The following ABI3BP variants were observed in gnomAD, a reference collection of about 807,000 sequenced individuals.
ABI3BP encodes the protein target of Nesh-SH3.
ABI3BP carries 216 observed loss-of-function variants against 268.6 expected under a neutral mutation model. The observed-to-expected ratio is 0.80, with a 90% CI of 0.72 to 0.90. The LOEUF is 0.90. Ranked by LOEUF, ABI3BP falls within the 40% of genes least tolerant of loss-of-function variation. The pLI is 0.00. For missense variants in ABI3BP, 2,090 were observed against 2,182.4 expected, an observed-to-expected ratio of 0.96 and a Z score of 0.84; for synonymous variants, 730 against 730.0, an observed-to-expected ratio of 1.00 and a Z score of 0.00.
At chr3:100,756,970 C>T (rs948891146) in intron 63 of ABI3BP, among the ~76,000 whole-genome samples, 15 of 143,624 alleles carry the variant, frequency 1.0e-4, no homozygotes, top group African/African-American at 3.2e-4. Flanking sequence ...AGATGAATGA[C>T]ATCATAGGTC....
chr3:100,853,428 C>T (rs532624793), intron 14 of ABI3BP, among the ~76,000 whole-genome samples: 2 of 152,326 alleles, frequency 1.3e-5, no homozygotes, highest in Non-Finnish European at 2.9e-5. Context: ...ATGGATCTGG[C>T]ATGGTCAGCT....
intron 49 of ABI3BP, 113 bp downstream of exon 49, chr3:100,810,299 A>C: frequency 1.2e-6 from 1 of 862,124 alleles, no homozygotes; most frequent in Non-Finnish European, 1.8e-6. Flanking sequence ...AGGATTACCC[A>C]TCAAAGTCTG....
intron 14 of ABI3BP, among the ~76,000 whole-genome samples, chr3:100,857,440 T>C (rs1017821385): frequency 6.6e-6 from 1 of 152,248 alleles, no homozygotes; most frequent in Non-Finnish European, 1.5e-5. Flanking sequence ...ACAAGTTATT[T>C]AACTGGTAGT....
rs972890995 is a variant in ABI3BP, at chr3:100,828,385, G to C, written c.2602+8C>G. On this transcript the variant is annotated splice_region_variant and intron_variant, in intron 34 of 67. Transcript: ENST00000471714. ...AAGCACTTGCTGAAGATCAAAAAGTGGCATTACCGAATGTTGTCCCTGGAG... is the reference window on the plus strand; with the variant it reads ...AAGCACTTGCTGAAGATCAAAAAGTCGCATTACCGAATGTTGTCCCTGGAG... 1.3e-6 allele frequency: 2 copies of C among 1,531,996 alleles called. No homozygotes were observed. Among genetic ancestry groups the C allele is most frequent in the African/African-American group, 2.7e-5 (2 of 72,922 alleles). 94.9% of individuals were successfully genotyped at this position (1,531,996 alleles called of 1,614,324 possible). A position where few individuals can be genotyped will look rare whatever the true frequency, so the allele number is the denominator to read the frequency against.
In ABI3BP at chr3:100,876,538, A is replaced by G; in HGVS notation, c.719T>C (p.Leu240Pro). ...HTVPAYVPRK[L>P]IPITIIKQVI... is the part of the protein sequence containing the mutation. ...TTGCTTGATGATTGTTATTGGGATTAGTTTCCTTGGGACATATGCTGGCTG... is the reference window on the plus strand; with the variant it reads ...TTGCTTGATGATTGTTATTGGGATTGGTTTCCTTGGGACATATGCTGGCTG... The change falls in exon 7 of 68, where the codon CTA (leucine) becomes CCA (proline). Residue 240 changes from leucine (L) to proline (P), a missense_variant. Leu to Pro is a moderately conservative substitution (Grantham distance 98). Transcript: ENST00000471714. 3 of 1,613,566 alleles carry G rather than the reference A, an allele frequency of 1.9e-6. No individual in the cohort carries two copies. Among genetic ancestry groups the G allele is most frequent in the Non-Finnish European group, 2.5e-6 (3 of 1,179,640 alleles).
chr3:100,858,752 T>G (rs1460468684), intron 14 of ABI3BP, among the ~76,000 whole-genome samples: 1 of 152,092 alleles, frequency 6.6e-6, no homozygotes, highest in Admixed American at 6.5e-5. Context: ...TTCCAAAGGA[T>G]GCCAATATCA....
Position 100,816,781 on chromosome 3 carries a change from A to G in ABI3BP, c.3149-13T>C, listed in dbSNP as rs1027928997. ...TGTGTTTTAGGAGCTGAAGGAAGAA[A>G]CTTTGGATTACTCTAGTGCAGGTGG... is the stretch of plus-strand genomic sequence containing the variant. On this transcript the variant is annotated splice_polypyrimidine_tract_variant and intron_variant, in intron 42 of 67. Transcript: ENST00000471714. The G allele has an allele frequency of 4.6e-6, 7 of 1,534,752 alleles. No individual in the cohort carries two copies. Among genetic ancestry groups the G allele is most frequent in the Non-Finnish European group, 8.7e-7 (1 of 1,145,878 alleles).
chr3:100,970,992 A>T (rs747747669), intron 1 of ABI3BP, among the ~76,000 whole-genome samples: 19 of 152,198 alleles, frequency 1.2e-4, no homozygotes, highest in Admixed American at 4.6e-4. Flanking sequence ...TGTACATCAA[A>T]CAAAGAGTTC....
chr3:100,946,685 G>C (rs776182038), intron 1 of ABI3BP, among the ~76,000 whole-genome samples: 3 of 151,780 alleles, frequency 2.0e-5, no homozygotes, highest in Non-Finnish European at 4.4e-5. Flanking sequence ...CTACTTGGGA[G>C]GCTAAGGCAG....
intron 1 of ABI3BP, among the ~76,000 whole-genome samples, chr3:100,935,605 C>T (rs923195920): frequency 1.3e-5 from 2 of 151,436 alleles, no homozygotes; most frequent in African/African-American, 4.9e-5. Flanking sequence ...TCTTCCTATC[C>T]ATGAGCACGG....
rs773458872 is a variant in ABI3BP at position 100,886,133 on chromosome 3, G to T, written c.643+9C>A. The T allele has an allele frequency of 1.3e-6, 2 of 1,555,710 alleles. No individual in the cohort carries two copies. The highest frequency in any genetic ancestry group is 4.1e-5 in the Admixed American group (2 of 48,920). ...AAGCTTACTGAAACAAACATTTCTA[G>T]GTACTTACTTCCAACAACAGTCTTG... is the stretch of plus-strand genomic sequence containing the variant. On this transcript the variant is annotated intron_variant, in intron 5 of 67. Coordinates refer to ENST00000471714, the MANE Select transcript of ABI3BP (RefSeq NM_001375547.2).
At position 100,908,929 on chromosome 3, in the gene ABI3BP, A is replaced by T. The variant is rs576465951; in HGVS notation, c.260-6243T>A. 2.6e-5 allele frequency among the ~76,000 whole-genome samples: 4 copies of T among 152,332 alleles called. No homozygotes were observed. The East Asian group carries it at 7.7e-4, about 29-fold the overall frequency. On this transcript the variant is annotated intron_variant, in intron 2 of 67. Coordinates refer to ENST00000471714, the MANE Select transcript of ABI3BP (RefSeq NM_001375547.2). ...CTACTTTCAATTTCATATGGAATCA[A>T]AAAAGAGCCTGCATAGCCAAGACAA...
intron 1 of ABI3BP, among the ~76,000 whole-genome samples, chr3:100,932,759 T>G (rs2064129057): frequency 6.6e-6 from 1 of 152,138 alleles, no homozygotes; most frequent in South Asian, 2.1e-4. Context: ...GGAATGTAAA[T>G]TAGTTCAGCC....
At position 100,815,952 on chromosome 3, in the gene ABI3BP, T is replaced by C. The variant is rs2098027439; in HGVS notation, c.3249A>G (p.Glu1083=). 1.3e-6 allele frequency: 2 copies of C among 1,525,054 alleles called. No homozygotes were observed. Among genetic ancestry groups the C allele is most frequent in the African/African-American group, 1.4e-5 (1 of 72,490 alleles). The allele number at this position is 1,525,054 out of a possible 1,614,324, so 94.5% of individuals were successfully genotyped here. A position where few individuals can be genotyped will look rare whatever the true frequency, so the allele number is the denominator to read the frequency against. ...GAGCATCAGTACTATGAACAACAGG[T>C]TCAAAGCCTGTAACAGAAACTAACC... The part of the protein sequence containing the change: ...QNKSVSVTGF[E]PVVHSTDAPG... Residue 1083 remains glutamate, a synonymous_variant, in exon 44 of 68, where the codon GAA becomes GAG. Coordinates refer to ENST00000471714, the MANE Select transcript of ABI3BP (RefSeq NM_001375547.2).
In ABI3BP at chr3:100,885,549, T is replaced by C; in HGVS notation, c.683A>G (p.Gln228Arg). 3 of 1,558,740 alleles carry C rather than the reference T, an allele frequency of 1.9e-6. No homozygotes were observed. Among genetic ancestry groups the C allele is most frequent in the Non-Finnish European group, 2.6e-6 (3 of 1,148,286 alleles). Residue 228 changes from glutamine (Q) to arginine (R), a missense_variant, in exon 6 of 68, where the codon CAA becomes CGA. Transcript: ENST00000471714. ...ACTGTTACATACCACTGTGTGGTCTTGGTCATAGGTACTTTGGATTTTCCC... is the reference window on the plus strand; with the variant it reads ...ACTGTTACATACCACTGTGTGGTCTCGGTCATAGGTACTTTGGATTTTCCC... ...VNGKIQSTYD[Q>R]DHTVPAYVPR...
chr3:100,801,139 T>TA lies in ABI3BP; in HGVS notation c.3757+3652dup, dbSNP rs544932769. Among the ~76,000 whole-genome samples, 51 of 152,192 alleles carry TA rather than the reference T, an allele frequency of 3.4e-4. 1 individual carries two copies. In the South Asian group the frequency reaches 9.4e-3, roughly 28 times the overall value. On this transcript the variant is annotated intron_variant, in intron 51 of 67. Transcript: ENST00000471714. ...ACATGCATTAGTGCATTTTTTTTTT[T>TA]AGAGCAAATCTGGAAAAGATGGGCA...
chr3:100,863,920 G>A (rs955542180), intron 12 of ABI3BP, 82 bp downstream of exon 12: 68 of 1,035,532 alleles, frequency 6.6e-5, no homozygotes, highest in Admixed American at 5.4e-4. Context: ...ATAAATTAGC[G>A]TAATTAATTC....
chr3:100,846,287 A>T lies in ABI3BP; in HGVS notation c.1723+85T>A, dbSNP rs1042594564. On this transcript the variant is annotated intron_variant, in intron 20 of 67. Transcript: ENST00000471714. The stretch of plus-strand genomic sequence containing the variant: ...AAATGTAACAAATGTCAAAATATAA[A>T]TCAGAAATTCTTGCTCCAAATAATT... The T allele has an allele frequency of 1.5e-5, 14 of 936,768 alleles. No homozygotes were observed. In the African/African-American group the frequency reaches 2.4e-4, roughly 16 times the overall value. 58.0% of individuals were successfully genotyped at this position (936,768 alleles called of 1,614,324 possible). A position where few individuals can be genotyped will look rare whatever the true frequency, so the allele number is the denominator to read the frequency against.
At chr3:100,816,088 A>C in intron 43 of ABI3BP, 117 bp from the exon 44 acceptor site, 1 of 745,504 alleles carries the variant, frequency 1.3e-6, no homozygotes, top group Non-Finnish European at 2.1e-6. Context: ...AAACTTTTGA[A>C]TTGATAGGCA....
Sources: allele counts gnomAD v4.1 joint callset (sites outside exome capture counted in the v4.1 genomes callset), GRCh38; gene constraint gnomAD v4.1.1; transcripts MANE v1.5; gene names NCBI Gene and HGNC (gene_info 2026-07-23, HGNC 2026-07-21).